The following RARB variants were observed in gnomAD, a reference collection of about 807,000 sequenced individuals.
RARB encodes the protein retinoic acid receptor beta.
RARB carries 17 observed loss-of-function variants against 51.9 expected under a neutral mutation model. The ratio of observed to expected loss-of-function variants is 0.33; its 90% confidence interval spans 0.22 to 0.49. RARB has a LOEUF of 0.49. Among genes scored for constraint, RARB ranks in the 20% least tolerant of loss-of-function variants. RARB has a pLI of 0.99. For missense variants in RARB, 369 were observed against 550.8 expected (o/e 0.67, Z 3.30); for synonymous variants, 215 against 195.4 (o/e 1.10, Z -0.84).
chr3:25,253,522 G>A (rs1303263955), intron 5 of RARB, among the ~76,000 whole-genome samples: 1 of 152,100 alleles, frequency 6.6e-6, no homozygotes, highest in Non-Finnish European at 1.5e-5. Context: ...TGCACTAGGA[G>A]GGTCCCCAGA....
chr3:24,949,971 G>A (rs998938743), intron 2 of RARB, among the ~76,000 whole-genome samples: 4 of 152,220 alleles, frequency 2.6e-5, no homozygotes, highest in African/African-American at 7.2e-5. Flanking sequence ...CAATAACAGA[G>A]GGAAGAGCGA....
chr3:24,892,295 C>CTG (rs1703399011), intron 2 of RARB, among the ~76,000 whole-genome samples: 1 of 151,002 alleles, frequency 6.6e-6, no homozygotes, highest in South Asian at 2.1e-4. Context: ...AGAGAATGGG[C>CTG]TGGAGGTAGG....
chr3:25,135,332 G>T (rs375785283), intron 4 of RARB, among the ~76,000 whole-genome samples: 1 of 151,574 alleles, frequency 6.6e-6, no homozygotes, highest in Non-Finnish European at 1.5e-5. Context: ...CTACCATATC[G>T]GATGACACAA....
chr3:25,498,175 C>T (rs1261492197), intron 2 of RARB, among the ~76,000 whole-genome samples: 3 of 152,134 alleles, frequency 2.0e-5, no homozygotes, highest in African/African-American at 7.2e-5. Flanking sequence ...ATGGTTTCCA[C>T]TTTAAATAGT....
Position 25,053,279 on chromosome 3 carries a change from T to C in RARB, c.-379-6846T>C, listed in dbSNP as rs1057301785. On this transcript the variant is annotated intron_variant, in intron 2 of 11. Transcript: ENST00000383772. ...ATTAAACAACTTATTCTTAAGAAAA[T>C]CTGCTGCAACTTCCAGCCTCTGCCT... 2.6e-5 allele frequency among the ~76,000 whole-genome samples: 4 copies of C among 152,116 alleles called. 1 individual carries two copies. Among genetic ancestry groups the C allele is most frequent in the Admixed American group, 2.6e-4 (4 of 15,272 alleles).
chr3:25,315,958 C>T (rs322664), intron 5 of RARB, among the ~76,000 whole-genome samples: 2,192 of 152,138 alleles, frequency 0.014, 30 homozygotes, highest in Non-Finnish European at 0.023. Context: ...GTTTTCAGAT[C>T]GTCTAAAATA....
At chr3:25,450,823 C>T (rs758588355) in intron 1 of RARB, among the ~76,000 whole-genome samples, 5 of 152,228 alleles carry the variant, frequency 3.3e-5, no homozygotes, top group Admixed American at 1.3e-4. Context: ...CGGTGGCTCA[C>T]GCCTGTAATC....
At chr3:25,456,676 TATATATAGAG>T (rs1417788844) in intron 1 of RARB, among the ~76,000 whole-genome samples, 37 of 113,776 alleles carry the variant, frequency 3.3e-4, no homozygotes, top group African/African-American at 9.6e-4. Flanking sequence ...TATATATATA[TATATATAGAG>T]AGAGAGAGAG....
intron 5 of RARB, among the ~76,000 whole-genome samples, chr3:25,362,835 G>T (rs1230669852): frequency 6.6e-6 from 1 of 152,164 alleles, no homozygotes; most frequent in East Asian, 1.9e-4. Flanking sequence ...AGATGAACCA[G>T]GTACCTCAGT....
chr3:25,266,410 T>G (rs1356973326), intron 5 of RARB, among the ~76,000 whole-genome samples: 1 of 152,202 alleles, frequency 6.6e-6, no homozygotes, highest in African/African-American at 2.4e-5. Context: ...CCCTTATCTT[T>G]GTTGACCTCA....
At chr3:25,558,590 C>T (rs764039007) in intron 3 of RARB, among the ~76,000 whole-genome samples, 8 of 148,778 alleles carry the variant, frequency 5.4e-5, no homozygotes, top group Non-Finnish European at 7.4e-5. Context: ...TCCTCGCTTA[C>T]GACTTCAACA....
intron 2 of RARB, among the ~76,000 whole-genome samples, chr3:24,908,688 T>A (rs866538827): frequency 5.1e-4 from 67 of 131,406 alleles, no homozygotes; most frequent in Middle Eastern, 4.4e-3. Flanking sequence ...TTTTTTTTTT[T>A]ACTAACCTAC....
intron 5 of RARB, among the ~76,000 whole-genome samples, chr3:25,226,405 G>GA (rs1448914783): frequency 6.6e-6 from 1 of 151,936 alleles, no homozygotes; most frequent in African/African-American, 2.4e-5. Flanking sequence ...TTTCTCTCAG[G>GA]AAAAAAAGCA....
chr3:25,584,186 G>C (rs147109723), intron 5 of RARB, among the ~76,000 whole-genome samples: 1 of 151,710 alleles, frequency 6.6e-6, no homozygotes, highest in African/African-American at 2.4e-5. Context: ...TCTTCCTTCC[G>C]CAAATATCTG....
At chr3:24,994,503 T>C (rs1264505368) in intron 2 of RARB, among the ~76,000 whole-genome samples, 2 of 148,542 alleles carry the variant, frequency 1.3e-5, no homozygotes, top group African/African-American at 4.9e-5. Flanking sequence ...TTTGGATCGA[T>C]GTAATTATAT....
intron 5 of RARB, among the ~76,000 whole-genome samples, chr3:25,233,678 G>A (rs1056769303): frequency 9.2e-5 from 14 of 151,610 alleles, no homozygotes; most frequent in Admixed American, 5.9e-4. Flanking sequence ...TAAGCTATAG[G>A]GGTGTTGTTG....
intron 3 of RARB, among the ~76,000 whole-genome samples, chr3:25,112,557 A>C (rs1699620328): frequency 6.6e-6 from 1 of 152,106 alleles, no homozygotes; most frequent in African/African-American, 2.4e-5. Context: ...TGGGAAGATC[A>C]TTTGAGCCCA....
intron 2 of RARB, among the ~76,000 whole-genome samples, chr3:24,884,684 G>A (rs1259235947): frequency 6.6e-6 from 1 of 152,080 alleles, no homozygotes; most frequent in Admixed American, 6.5e-5. Flanking sequence ...ACGTTATTGA[G>A]ATAATGTTTT....
chr3:25,494,577 G>A (rs1383822320), intron 2 of RARB, among the ~76,000 whole-genome samples: 1 of 152,154 alleles, frequency 6.6e-6, no homozygotes, highest in Non-Finnish European at 1.5e-5. Context: ...CTGCTTGGTG[G>A]CATCTTACAT....
Sources: gnomAD v4.1 joint callset for allele counts (sites outside exome capture counted in the v4.1 genomes callset) on GRCh38, gnomAD v4.1.1 for gene constraint, MANE v1.5 for transcripts, NCBI Gene and HGNC (gene_info 2026-07-23, HGNC 2026-07-21) for gene names.